The following PRKCE variants were observed in gnomAD, a reference collection of about 807,000 sequenced individuals.
PRKCE encodes protein kinase C epsilon, also known as protein kinase C epsilon type.
In PRKCE, 16 loss-of-function variants were observed where a neutral mutation model predicts 85.4. The observed-to-expected ratio is 0.19, with a 90% CI of 0.13 to 0.28. The LOEUF is 0.28. PRKCE is among the 10% of genes least tolerant of loss of function. The pLI, the probability that PRKCE is intolerant of heterozygous loss-of-function variation, is 1.00. For missense variants in PRKCE, 573 were observed against 975.2 expected (o/e 0.59, Z 5.49); for synonymous variants, 388 against 371.5 (o/e 1.04, Z -0.51).
intron 5 of PRKCE, among the ~76,000 whole-genome samples, chr2:45,981,306 T>C (rs969649511): frequency 6.6e-6 from 1 of 152,224 alleles, no homozygotes; most frequent in Non-Finnish European, 1.5e-5. Flanking sequence ...TGTGTAGTCA[T>C]AGGCTATTAG....
Position 46,159,226 on chromosome 2 carries a change from G to A in PRKCE, c.1921-380G>A, listed in dbSNP as rs1273478161. On this transcript the variant is annotated intron_variant, in intron 13 of 14. Transcript: ENST00000306156. This position sits in a 1 kb window ranked among gnomAD's most constrained non-coding sequence, Gnocchi z 4.1. ...CCCTGATGAGAAGACCTGAGAATCT[G>A]AGGGGGATCACAGAGTCAGTAAGAG... Among the ~76,000 whole-genome samples, 1 of 152,220 alleles carries A rather than the reference G, an allele frequency of 6.6e-6. No individual in the cohort carries two copies. The highest frequency in any genetic ancestry group is 6.5e-5 in the Admixed American group (1 of 15,288).
At chr2:45,738,959 G>A (rs952331) in intron 1 of PRKCE, among the ~76,000 whole-genome samples, 84,190 of 152,110 alleles carry the variant, frequency 0.55, 24,000 homozygotes, top group African/African-American at 0.68. Context: ...AAGGGGCAGT[G>A]TTGGTTCATG....
At chr2:45,950,638 A>G (rs2104328214) in intron 2 of PRKCE, among the ~76,000 whole-genome samples, 1 of 152,294 alleles carries the variant, frequency 6.6e-6, no homozygotes, top group Middle Eastern at 3.4e-3. Context: ...GATGATGCCC[A>G]GGCCAAGTGT....
At chr2:45,879,155 A>G (rs1694695710) in intron 2 of PRKCE, among the ~76,000 whole-genome samples, 1 of 152,226 alleles carries the variant, frequency 6.6e-6, no homozygotes, top group Non-Finnish European at 1.5e-5. Context: ...CTCCACTGGC[A>G]GAGAGCAGAG....
chr2:45,839,135 ATT>A (rs142131154), intron 1 of PRKCE, among the ~76,000 whole-genome samples: 2 of 150,926 alleles, frequency 1.3e-5, no homozygotes, highest in South Asian at 2.1e-4. Context: ...TAAAAAAAAA[ATT>A]TTTTTTTTTA....
At chr2:45,897,318 C>T (rs1696223283) in intron 2 of PRKCE, among the ~76,000 whole-genome samples, 1 of 152,092 alleles carries the variant, frequency 6.6e-6, no homozygotes, top group African/African-American at 2.4e-5. Context: ...TATCTGTAGA[C>T]CTGCGGACAC....
chr2:45,816,963 T>C (rs1439747733), intron 1 of PRKCE, among the ~76,000 whole-genome samples: 1 of 152,200 alleles, frequency 6.6e-6, no homozygotes, highest in Admixed American at 6.5e-5. Context: ...ATTGTGAACT[T>C]ATAATAACAG....
At chr2:46,122,890 T>TG (rs1348241797) in intron 11 of PRKCE, among the ~76,000 whole-genome samples, 2 of 149,462 alleles carry the variant, frequency 1.3e-5, no homozygotes, top group Non-Finnish European at 3.0e-5. Flanking sequence ...GGTTTTTTTT[T>TG]TTTTTTTTTT....
At chr2:46,151,309 A>ACG in intron 13 of PRKCE, 80 bp downstream of exon 13, 1 of 1,162,708 alleles carries the variant, frequency 8.6e-7, no homozygotes. Flanking sequence ...ACACACACAC[A>ACG]CACACACACA....
intron 2 of PRKCE, among the ~76,000 whole-genome samples, chr2:45,916,240 A>AT (rs748796035): frequency 0.02 from 2,799 of 141,858 alleles, 46 homozygotes; most frequent in African/African-American, 0.047. Context: ...GCACTGAGAA[A>AT]TTTTTTTTTT....
chr2:46,092,990 G>T (rs1264547524), intron 11 of PRKCE, among the ~76,000 whole-genome samples: 1 of 152,178 alleles, frequency 6.6e-6, no homozygotes, highest in African/African-American at 2.4e-5. Context: ...GGAGGAGAAG[G>T]TAGGGGCATC....
chr2:46,117,578 T>G (rs11125051), intron 11 of PRKCE, among the ~76,000 whole-genome samples: 114,018 of 152,086 alleles, frequency 0.75, 43,715 homozygotes, highest in East Asian at 0.97. Flanking sequence ...TTACTCACCT[T>G]TGAGTCAGAC....
intron 11 of PRKCE, among the ~76,000 whole-genome samples, chr2:46,101,261 A>G (rs1283276102): frequency 6.6e-6 from 1 of 152,228 alleles, no homozygotes; most frequent in African/African-American, 2.4e-5. Context: ...AAAAGAAGCA[A>G]TAACAATAAG....
intron 1 of PRKCE, among the ~76,000 whole-genome samples, chr2:45,749,079 G>A (rs776065548): frequency 1.1e-4 from 17 of 151,968 alleles, no homozygotes; most frequent in Non-Finnish European, 1.8e-4. Flanking sequence ...TAGTAGAGAC[G>A]GGGTTTCACC....
chr2:45,882,510 A>G lies in PRKCE; in HGVS notation c.412+39447A>G, dbSNP rs114658210. ...ACAAATTCAAAGATGTCTTGGGGAC[A>G]TGAGTTCAACTACTCCAAAGAAAAA... On this transcript the variant is annotated intron_variant, in intron 2 of 14. Coordinates refer to ENST00000306156, the MANE Select transcript of PRKCE (RefSeq NM_005400.3). 9.7e-3 allele frequency among the ~76,000 whole-genome samples: 1,481 copies of G among 152,348 alleles called. 11 individuals carry two copies. The highest frequency in any genetic ancestry group is 0.017 in the South Asian group (81 of 4,824).
chr2:46,113,530 T>C lies in PRKCE; in HGVS notation c.1592+27168T>C, dbSNP rs566486161. Among the ~76,000 whole-genome samples the C allele has an allele frequency of 9.2e-5, 14 of 152,346 alleles. No homozygotes were observed. The South Asian group carries it at 2.9e-3, about 32-fold the overall frequency. On this transcript the variant is annotated intron_variant, in intron 11 of 14. Coordinates refer to ENST00000306156, the MANE Select transcript of PRKCE (RefSeq NM_005400.3). ...GCTCCCTGTGGCTCAGTCTCCCTTT[T>C]TGAGCTGGAAACTCTGGGGAGAAGT...
chr2:45,921,225 T>C (rs1434782911), intron 2 of PRKCE, among the ~76,000 whole-genome samples: 2 of 152,236 alleles, frequency 1.3e-5, no homozygotes, highest in Non-Finnish European at 2.9e-5. Context: ...GTAGAATTCC[T>C]AAAGTTCTTG....
intron 1 of PRKCE, among the ~76,000 whole-genome samples, chr2:45,818,147 A>G (rs1356678962): frequency 3.3e-5 from 5 of 152,222 alleles, no homozygotes; most frequent in Non-Finnish European, 2.9e-5. Context: ...CCATAAGGTA[A>G]AATGTATCAT....
chr2:46,037,918 G>C (rs938245835), intron 10 of PRKCE, among the ~76,000 whole-genome samples: 3 of 152,190 alleles, frequency 2.0e-5, no homozygotes, highest in Non-Finnish European at 4.4e-5. Flanking sequence ...GAAACTCCTT[G>C]ATGCTTATTT....
Sources: gnomAD v4.1 joint callset for allele counts (sites outside exome capture counted in the v4.1 genomes callset) on GRCh38, gnomAD v4.1.1 for gene constraint, Gnocchi (gnomAD v3.1) non-coding constraint, MANE v1.5 for transcripts, NCBI Gene and HGNC (gene_info 2026-07-23, HGNC 2026-07-21) for gene names.